The following ZNF804A variants were observed in gnomAD, a reference collection of about 807,000 sequenced individuals.
ZNF804A encodes the protein zinc finger protein 804A.
A neutral mutation model predicts 16.5 loss-of-function variants in ZNF804A; 2 were observed. The ratio of observed to expected loss-of-function variants is 0.12; its 90% CI spans 0.05 to 0.38. The LOEUF (loss-of-function observed/expected upper bound fraction) is 0.38, where lower values mean the gene tolerates loss of function less well. ZNF804A is among the 10% of genes least tolerant of loss of function. The probability of loss-of-function intolerance (pLI) is 0.99; values close to 1 mark genes in which losing one functional copy is unlikely to be tolerated. For missense variants in ZNF804A, 1,473 were observed against 1,390.7 expected, an observed-to-expected ratio of 1.06 and a Z score of -0.94; for synonymous variants, 534 against 489.6, an observed-to-expected ratio of 1.09 and a Z score of -1.20.
At chr2:184,703,548 G>A (rs1172264113) in intron 1 of ZNF804A, among the ~76,000 whole-genome samples, 4 of 151,724 alleles carry the variant, frequency 2.6e-5, no homozygotes, top group African/African-American at 2.4e-5. Flanking sequence ...AAATTAGCCG[G>A]GCGTGGTGGC....
chr2:184,886,576 CT>C (rs1048218206), intron 2 of ZNF804A, among the ~76,000 whole-genome samples: 1 of 152,268 alleles, frequency 6.6e-6, no homozygotes, highest in African/African-American at 2.4e-5. Context: ...CTGTGGCAAA[CT>C]TTTGCCTGGG....
intron 1 of ZNF804A, among the ~76,000 whole-genome samples, chr2:184,832,150 A>T (rs1001606609): frequency 6.6e-6 from 1 of 152,060 alleles, no homozygotes; most frequent in African/African-American, 2.4e-5. Context: ...ATCATAATCA[A>T]GCATCCATTC....
chr2:184,640,252 G>A (rs1345747822), intron 1 of ZNF804A, among the ~76,000 whole-genome samples: 1 of 151,258 alleles, frequency 6.6e-6, no homozygotes, highest in East Asian at 1.9e-4. Flanking sequence ...AGAGGAGGAG[G>A]AGAAGAAGAA....
intron 2 of ZNF804A, among the ~76,000 whole-genome samples, chr2:184,920,528 T>C (rs1036755387): frequency 1.3e-5 from 2 of 152,186 alleles, no homozygotes; most frequent in South Asian, 4.1e-4. Context: ...GAGTCATGCC[T>C]TTATATAATT....
At chr2:184,891,002 C>A (rs1001307363) in intron 2 of ZNF804A, among the ~76,000 whole-genome samples, 1 of 151,976 alleles carries the variant, frequency 6.6e-6, no homozygotes, top group East Asian at 1.9e-4. Flanking sequence ...ACCATGGATA[C>A]CACCATTGTG....
At chr2:184,683,058 C>T (rs1400925590) in intron 1 of ZNF804A, among the ~76,000 whole-genome samples, 1 of 151,992 alleles carries the variant, frequency 6.6e-6, no homozygotes, top group Non-Finnish European at 1.5e-5. Context: ...AAAATAAAAA[C>T]ATCAATTTAG....
At chr2:184,931,711 C>T (rs1219622445) in intron 2 of ZNF804A, among the ~76,000 whole-genome samples, 1 of 152,142 alleles carries the variant, frequency 6.6e-6, no homozygotes, top group Non-Finnish European at 1.5e-5. Flanking sequence ...CTTCTTGTTA[C>T]TTATGCAAAT....
intron 1 of ZNF804A, among the ~76,000 whole-genome samples, chr2:184,718,298 A>G (rs1693246447): frequency 6.6e-6 from 1 of 152,066 alleles, no homozygotes; most frequent in Non-Finnish European, 1.5e-5. Flanking sequence ...CTCACAACAC[A>G]TGGGAATTCA....
chr2:184,773,538 G>T (rs915945065), intron 1 of ZNF804A, among the ~76,000 whole-genome samples: 3 of 151,946 alleles, frequency 2.0e-5, no homozygotes, highest in Non-Finnish European at 4.4e-5. Context: ...TATTCTTAGT[G>T]AAGTAACTCA....
intron 1 of ZNF804A, among the ~76,000 whole-genome samples, chr2:184,857,208 T>C (rs143801712): frequency 2.0e-5 from 3 of 152,092 alleles, no homozygotes; most frequent in Admixed American, 6.5e-5. Flanking sequence ...ATAATTTAAA[T>C]TTTTCCTTTT....
chr2:184,844,770 G>A (rs1454021619), intron 1 of ZNF804A, among the ~76,000 whole-genome samples: 2 of 151,832 alleles, frequency 1.3e-5, no homozygotes, highest in African/African-American at 4.8e-5. Flanking sequence ...CTAATTTGGG[G>A]AAGTCCGCAG....
At chr2:184,703,294 T>TA (rs1692958482) in intron 1 of ZNF804A, among the ~76,000 whole-genome samples, 1 of 152,202 alleles carries the variant, frequency 6.6e-6, no homozygotes, top group African/African-American at 2.4e-5. Flanking sequence ...TGGAATCTGT[T>TA]AGAGTTTGAT....
intron 1 of ZNF804A, among the ~76,000 whole-genome samples, chr2:184,764,767 G>A (rs1032364924): frequency 4.6e-5 from 7 of 151,662 alleles, no homozygotes; most frequent in East Asian, 1.9e-4. Context: ...TTTGTCTGTC[G>A]CAAATGACAG....
intron 1 of ZNF804A, among the ~76,000 whole-genome samples, chr2:184,848,766 G>A (rs1475758569): frequency 6.6e-6 from 1 of 152,022 alleles, no homozygotes; most frequent in South Asian, 2.1e-4. Flanking sequence ...TAAAGACTTT[G>A]TAAGGGTATT....
intron 1 of ZNF804A, among the ~76,000 whole-genome samples, chr2:184,691,297 G>T (rs1035138632): frequency 6.6e-6 from 1 of 151,854 alleles, no homozygotes; most frequent in Non-Finnish European, 1.5e-5. Flanking sequence ...TTCTAGAAGT[G>T]CCCCTTTCTT....
intron 1 of ZNF804A, among the ~76,000 whole-genome samples, chr2:184,726,883 G>C (rs1574182731): frequency 6.6e-6 from 1 of 151,376 alleles, no homozygotes; most frequent in East Asian, 1.9e-4. Flanking sequence ...AGGCCTATGT[G>C]CAAAACATTA....
intron 2 of ZNF804A, among the ~76,000 whole-genome samples, chr2:184,912,288 T>C (rs1318936303): frequency 6.6e-6 from 1 of 152,018 alleles, no homozygotes; most frequent in African/African-American, 2.4e-5. Flanking sequence ...TACAATACAA[T>C]TTTTTTGTGG....
At chr2:184,858,832 T>C (rs1371406019) in intron 1 of ZNF804A, among the ~76,000 whole-genome samples, 1 of 152,334 alleles carries the variant, frequency 6.6e-6, no homozygotes, top group African/African-American at 2.4e-5. Flanking sequence ...TTATCCATTT[T>C]TGTAAGACAA....
At chr2:184,747,632 TA>T (rs1693810343) in intron 1 of ZNF804A, among the ~76,000 whole-genome samples, 1 of 151,314 alleles carries the variant, frequency 6.6e-6, no homozygotes, top group Non-Finnish European at 1.5e-5. Context: ...TCATATCAGG[TA>T]ATGTTTGCCA....
Sources: gnomAD v4.1 joint callset for allele counts (sites outside exome capture counted in the v4.1 genomes callset) on GRCh38, gnomAD v4.1.1 for gene constraint, MANE v1.5 for transcripts, NCBI Gene and HGNC (gene_info 2026-07-23, HGNC 2026-07-21) for gene names.